PEAR1: variants seen among roughly 807,000 people sequenced by gnomAD.
The protein encoded by PEAR1 is platelet endothelial aggregation receptor 1, also known as multiple EGF-like domains protein 12.
PEAR1 carries 113 observed loss-of-function variants against 131.2 expected under a neutral mutation model. That is an observed-to-expected ratio of 0.86 (90% CI 0.74 to 1.01). PEAR1 has a LOEUF of 1.01. PEAR1 is among the 50% of genes least tolerant of loss of function. The pLI, the probability that PEAR1 is intolerant of heterozygous loss-of-function variation, is 0.00. For missense variants in PEAR1, 1,408 were observed against 1,391.1 expected, an observed-to-expected ratio of 1.01 and a Z score of -0.19; for synonymous variants, 565 against 523.3, an observed-to-expected ratio of 1.08 and a Z score of -1.09.
chr1:156,913,616 G>A, intron 20 of PEAR1, 76 bp from the exon 21 acceptor site: 1 of 1,597,484 alleles, frequency 6.3e-7, no homozygotes, highest in Non-Finnish European at 8.5e-7. Context: ...CGGGGGCTCT[G>A]GGCCCCATTT....
At chr1:156,899,599 T>C (rs898074262) in intron 1 of PEAR1, among the ~76,000 whole-genome samples, 2 of 152,072 alleles carry the variant, frequency 1.3e-5, no homozygotes, top group Non-Finnish European at 2.9e-5. Context: ...GGAGGGCGGA[T>C]GGGGGCCACA....
At position 156,912,910 on chromosome 1, in the gene PEAR1, G is replaced by C; in HGVS notation, c.2350G>C (p.Gly784Arg). ...CATTGGCTATCGGCACTGGCAAAAA[G>C]GCAAGGAGCACCACCACCTGGCTGT... ...LFIGYRHWQKGKEHHHLAVAY... is the reference protein window; with the variant it reads ...LFIGYRHWQKRKEHHHLAVAY... Residue 784 changes from glycine to arginine, a missense_variant, in exon 18 of 23, where the codon GGC becomes CGC. Physicochemically the swap from Gly to Arg is moderately radical, Grantham distance 125. Coordinates refer to ENST00000292357, the MANE Select transcript of PEAR1 (RefSeq NM_001080471.3). The C allele has an allele frequency of 6.2e-7, 1 of 1,614,228 alleles. No individual in the cohort carries two copies. Among genetic ancestry groups the C allele is most frequent in the Non-Finnish European group, 8.5e-7 (1 of 1,180,036 alleles).
chr1:156,896,319 C>T (rs1649156945), intron 1 of PEAR1, among the ~76,000 whole-genome samples: 1 of 152,190 alleles, frequency 6.6e-6, no homozygotes, highest in African/African-American at 2.4e-5. Context: ...ATCCCAGTAC[C>T]TGGGAGGTAA....
In PEAR1 at chr1:156,908,458, G is replaced by A; in HGVS notation, c.1115+118G>A. 27 of 1,319,192 alleles carry A rather than the reference G, an allele frequency of 2.0e-5. No individual in the cohort carries two copies. The highest frequency in any genetic ancestry group is 2.6e-5 in the Non-Finnish European group (26 of 993,136). 81.7% of individuals were successfully genotyped at this position (1,319,192 alleles called of 1,614,324 possible). A position where few individuals can be genotyped will look rare whatever the true frequency, so the allele number is the denominator to read the frequency against. On this transcript the variant is annotated intron_variant, in intron 9 of 22. Transcript: ENST00000292357. The surrounding 1 kb of genome is among the most constrained non-coding windows in gnomAD (Gnocchi z 4.2). ...GGGACAGGTGTCACAGAAGGGGAAAGGGAGGGACCTCAGGGGCCGGGAGGG... is the reference window on the plus strand; with the variant it reads ...GGGACAGGTGTCACAGAAGGGGAAAAGGAGGGACCTCAGGGGCCGGGAGGG...
At chr1:156,899,604 G>A (rs1649485037) in intron 1 of PEAR1, among the ~76,000 whole-genome samples, 1 of 152,208 alleles carries the variant, frequency 6.6e-6, no homozygotes, top group African/African-American at 2.4e-5. Flanking sequence ...GCGGATGGGG[G>A]CCACATTGGG....
chr1:156,896,900 C>T (rs766446855), intron 1 of PEAR1, among the ~76,000 whole-genome samples: 9 of 152,218 alleles, frequency 5.9e-5, no homozygotes, highest in African/African-American at 1.2e-4. Flanking sequence ...TGCTTTGTAA[C>T]GTTGAAAAGT....
intron 1 of PEAR1, among the ~76,000 whole-genome samples, chr1:156,894,896 C>T (rs146694129): frequency 5.7e-4 from 87 of 152,316 alleles, no homozygotes; most frequent in African/African-American, 2.0e-3. Flanking sequence ...GCTAGGGGGA[C>T]GGTTGGAGAC....
rs1217959948 is a variant in PEAR1, at chr1:156,906,669, G to A, written c.433G>A (p.Asp145Asn). ...CCCAGGAATGTGGGGGCCACAGTGTGACAAGCCCTGCAGCTGCGGCAACAA... is the reference window on the plus strand; with the variant it reads ...CCCAGGAATGTGGGGGCCACAGTGTAACAAGCCCTGCAGCTGCGGCAACAA... ...CAPGMWGPQC[D>N]KPCSCGNNSS... The change falls in exon 6 of 23, where the codon GAC (aspartate) becomes AAC (asparagine). Residue 145 changes from aspartate (D) to asparagine (N), a missense_variant. By Grantham distance (23) the Asp-to-Asn change is conservative (BLOSUM62 1). Transcript: ENST00000292357. 2 of 1,614,062 alleles carry A rather than the reference G, an allele frequency of 1.2e-6. No homozygotes were observed. The highest frequency in any genetic ancestry group is 2.2e-5 in the East Asian group (1 of 44,898).
At chr1:156,897,093 G>A (rs1437403541) in intron 1 of PEAR1, among the ~76,000 whole-genome samples, 1 of 152,118 alleles carries the variant, frequency 6.6e-6, no homozygotes, top group Non-Finnish European at 1.5e-5. Context: ...AAGATTTCAG[G>A]GTGTATCAGT....
Position 156,906,887 on chromosome 1 carries a change from A to C in PEAR1, c.644+7A>C. On this transcript the variant is annotated splice_region_variant and intron_variant, in intron 6 of 22. Transcript: ENST00000292357. ...CAGAGAGAACTGGGCCCAGGTATGT[A>C]ATGGGGGGAACGACACTTTAACAAG... is the stretch of plus-strand genomic sequence containing the variant. 1 of 1,612,940 alleles carries C rather than the reference A, an allele frequency of 6.2e-7. No individual in the cohort carries two copies. The highest frequency in any genetic ancestry group is 1.3e-5 in the African/African-American group (1 of 75,032).
At chr1:156,905,229 G>A in intron 3 of PEAR1, 95 bp from the exon 4 acceptor site, 1 of 1,336,924 alleles carries the variant, frequency 7.5e-7, no homozygotes, top group East Asian at 2.4e-5. Flanking sequence ...AGCCCAGAGT[G>A]TTGAGTGGTG....
Position 156,913,407 on chromosome 1 carries a change from T to C in PEAR1, c.2528T>C (p.Phe843Ser), listed in dbSNP as rs958746852. Reference protein sequence around the residue: ...PPPNKVPGPLFASLQNPERPG... With the variant: ...PPPNKVPGPLSASLQNPERPG... ...CCCTCTTAGGTTCCAGGCCCGCTCT[T>C]TGCCAGCCTGCAGAACCCTGAGCGG... is the stretch of plus-strand genomic sequence containing the variant. Residue 843 changes from phenylalanine to serine, a missense_variant, in exon 20 of 23, where the codon TTT becomes TCT. By Grantham distance (155) the Phe-to-Ser change is radical (BLOSUM62 -2). Transcript: ENST00000292357. The C allele has an allele frequency of 3.2e-5, 51 of 1,606,506 alleles. No homozygotes were observed. The highest frequency in any genetic ancestry group is 4.1e-5 in the Non-Finnish European group (48 of 1,179,986).
chr1:156,913,590 T>G (rs1651525342), intron 20 of PEAR1, 67 bp downstream of exon 20: 1 of 1,601,402 alleles, frequency 6.2e-7, no homozygotes, highest in Non-Finnish European at 8.5e-7. Flanking sequence ...CGCGTCTGAG[T>G]GTGTGTGTCT....
In PEAR1 at chr1:156,907,906, T is replaced by TC; in HGVS notation, c.766-5dup. On this transcript the variant is annotated splice_polypyrimidine_tract_variant and intron_variant, in intron 7 of 22. Coordinates refer to ENST00000292357, the MANE Select transcript of PEAR1 (RefSeq NM_001080471.3). ...TGCCTGGGGCCCTGTTGACCTCTTA[T>TC]CCCCACAGGGCACCATCTGCTCCCT... 6.3e-7 allele frequency: 1 copy of TC among 1,597,156 alleles called. No individual in the cohort carries two copies. The highest frequency in any genetic ancestry group is 8.5e-7 in the Non-Finnish European group (1 of 1,170,768).
Position 156,913,225 on chromosome 1 carries a change from C to CT in PEAR1, c.2454_2455insT (p.Asn819Ter). On this transcript the variant is annotated frameshift_variant, in exon 19 of 23. Transcript: ENST00000292357. LOFTEE classifies it high-confidence loss of function. ...CTCCGAGCTACAGTCACTACTACTC[C>CT]AACCCCAGCTACCACACCCTGTCGC... The CT allele has an allele frequency of 6.2e-7, 1 of 1,613,796 alleles. No homozygotes were observed. Among genetic ancestry groups the CT allele is most frequent in the Non-Finnish European group, 8.5e-7 (1 of 1,179,868 alleles).
intron 6 of PEAR1, 90 bp downstream of exon 6, chr1:156,906,970 C>T: frequency 6.7e-7 from 1 of 1,487,338 alleles, no homozygotes; most frequent in African/African-American, 1.4e-5. Flanking sequence ...TCAGACAGGG[C>T]CCCAAGTGTG....
intron 1 of PEAR1, among the ~76,000 whole-genome samples, chr1:156,899,989 AC>A (rs1355621174): frequency 6.6e-6 from 1 of 151,522 alleles, no homozygotes; most frequent in Non-Finnish European, 1.5e-5. Context: ...AATCCCCCCC[AC>A]CCCTGCTCCC....
intron 11 of PEAR1, 50 bp downstream of exon 11, chr1:156,909,086 A>C: frequency 6.2e-7 from 1 of 1,609,612 alleles, no homozygotes; most frequent in Non-Finnish European, 8.5e-7. Flanking sequence ...TGGCCAAGGG[A>C]AGAAGGGAGA....
At chr1:156,906,176 A>T in intron 4 of PEAR1, 100 bp from the exon 5 acceptor site, 2 of 1,068,044 alleles carry the variant, frequency 1.9e-6, no homozygotes, top group Non-Finnish European at 2.8e-6. Context: ...GGAGAACTTC[A>T]GGTCCCTGGT....
Sources: allele counts gnomAD v4.1 joint callset (sites outside exome capture counted in the v4.1 genomes callset), GRCh38; gene constraint gnomAD v4.1.1; non-coding constraint Gnocchi (gnomAD v3.1); transcripts MANE v1.5; gene names NCBI Gene and HGNC (gene_info 2026-07-23, HGNC 2026-07-21).